The following E2F8 variants were observed in gnomAD, a reference collection of about 807,000 sequenced individuals.
E2F8 encodes the protein E2F transcription factor 8, also known as transcription factor E2F8.
E2F8 carries 35 observed loss-of-function variants against 80.8 expected under a neutral mutation model. That is an observed-to-expected ratio of 0.43 (90% confidence interval 0.33 to 0.57). E2F8 has a LOEUF of 0.57. Ranked by LOEUF, E2F8 falls within the 20% of genes least tolerant of loss-of-function variation. The pLI is 0.04. For missense variants in E2F8, 975 were observed against 1,056.2 expected (o/e 0.92, Z 1.07); for synonymous variants, 386 against 395.0 (o/e 0.98, Z 0.27).
At chr11:19,230,448 C>T (rs542948535) in intron 8 of E2F8, 120 bp from the exon 9 acceptor site, 69 of 1,210,742 alleles carry the variant, frequency 5.7e-5, no homozygotes, top group South Asian at 2.2e-4. Flanking sequence ...AGTTGCATAG[C>T]GATTAAACAA....
In E2F8 at chr11:19,225,412, T is replaced by C; in HGVS notation, c.2230A>G (p.Ile744Val). Residue 744 changes from isoleucine to valine, a missense_variant, in exon 12 of 13, where the codon ATC becomes GTC. Transcript: ENST00000250024. ...VNFTLQHLGL[I>V]SPNVQLSASP... is the part of the protein sequence containing the mutation. The stretch of plus-strand genomic sequence containing the variant: ...GCAGACAACTGCACATTGGGTGAGA[T>C]GAGTCCCAGGTGCTGCAGGGTGAAG... 2 of 1,614,184 alleles carry C rather than the reference T, an allele frequency of 1.2e-6. No individual in the cohort carries two copies. Among genetic ancestry groups the C allele is most frequent in the East Asian group, 2.2e-5 (1 of 44,874 alleles).
upstream of E2F8, chr11:19,240,981 C>G (rs1851646247): frequency 6.6e-6 from 1 of 152,636 alleles, no homozygotes; most frequent in Non-Finnish European, 1.5e-5. Context: ...GGCCCCTCCC[C>G]CAGGCCCTGT....
chr11:19,239,469 C>T (rs1038552883), intron 2 of E2F8, among the ~76,000 whole-genome samples: 1 of 152,014 alleles, frequency 6.6e-6, no homozygotes, highest in African/African-American at 2.4e-5. Context: ...CTTTTTTAAA[C>T]CTATTAGTAG....
intron 8 of E2F8, 144 bp downstream of exon 8, chr11:19,230,487 A>T: frequency 8.3e-7 from 1 of 1,202,460 alleles, no homozygotes; most frequent in Non-Finnish European, 1.2e-6. Context: ...TTTTAAATTT[A>T]TACATTAGTT....
intron 8 of E2F8, 51 bp from the exon 9 acceptor site, chr11:19,230,379 T>G: frequency 6.4e-7 from 1 of 1,559,844 alleles, no homozygotes; most frequent in Non-Finnish European, 8.8e-7. Context: ...AGAACAAATG[T>G]TCACACAGAT....
chr11:19,224,629 G>C lies in E2F8; in HGVS notation c.*29C>G. The C allele has an allele frequency of 6.2e-7, 1 of 1,607,260 alleles. No homozygotes were observed. Among genetic ancestry groups the C allele is most frequent in the Non-Finnish European group, 8.5e-7 (1 of 1,174,978 alleles). The stretch of plus-strand genomic sequence containing the variant: ...ATTTTCTCTATTAAACAACTCTTTA[G>C]AAAATTAAACTAAGCCAACATCTGT... On this transcript the variant is annotated 3_prime_UTR_variant, in exon 13 of 13. Coordinates refer to ENST00000250024, the MANE Select transcript of E2F8 (RefSeq NM_024680.4).
intron 2 of E2F8, 148 bp downstream of exon 2, chr11:19,239,959 G>T (rs1369965991): frequency 2.3e-6 from 1 of 427,520 alleles, no homozygotes; most frequent in South Asian, 8.7e-5. Context: ...GAAACTATAA[G>T]ATAAGGTTCA....
chr11:19,237,089 A>T (rs1851537943), intron 4 of E2F8, among the ~76,000 whole-genome samples: 1 of 152,256 alleles, frequency 6.6e-6, no homozygotes, highest in Non-Finnish European at 1.5e-5. Flanking sequence ...AACTGTAGTC[A>T]GAAGCAACCT....
intron 10 of E2F8, among the ~76,000 whole-genome samples, chr11:19,228,786 G>C (rs1014236438): frequency 6.6e-6 from 1 of 152,182 alleles, no homozygotes; most frequent in African/African-American, 2.4e-5. Context: ...GATACTGTAT[G>C]TAAAAGTGAC....
rs576915724 is a variant in E2F8, at chr11:19,229,538, G to A, written c.1809C>T (p.Gly603=). 1.2e-6 allele frequency: 2 copies of A among 1,614,198 alleles called. No homozygotes were observed. The highest frequency in any genetic ancestry group is 1.3e-5 in the African/African-American group (1 of 75,046). The change falls in exon 10 of 13, where the codon GGC becomes GGT. Residue 603 remains glycine, a synonymous_variant. Transcript: ENST00000250024. The surrounding 1 kb of genome is among the most constrained non-coding windows in gnomAD (Gnocchi z 4.3). ...SRTREPAGER[G]SKRASMLEDS... ...CCTCGAGCATGCTTGCCCTCTTTGA[G>A]CCTCTTTCTCCAGCTGGCTCCCTGG...
intron 2 of E2F8, among the ~76,000 whole-genome samples, chr11:19,238,801 C>T (rs149821985): frequency 4.9e-4 from 74 of 152,220 alleles, no homozygotes; most frequent in African/African-American, 1.6e-3. Flanking sequence ...GAAAATGGGG[C>T]CCAGAGAAGT....
At chr11:19,227,364 C>T (rs923278301) in intron 10 of E2F8, among the ~76,000 whole-genome samples, 1 of 152,146 alleles carries the variant, frequency 6.6e-6, no homozygotes, top group South Asian at 2.1e-4. Context: ...AAGACCTGCG[C>T]TCTATTAGCT....
At position 19,225,468 on chromosome 11, in the gene E2F8, G is replaced by A; in HGVS notation, c.2174C>T (p.Pro725Leu). The A allele has an allele frequency of 6.2e-7, 1 of 1,614,228 alleles. No individual in the cohort carries two copies. Among genetic ancestry groups the A allele is most frequent in the Non-Finnish European group, 8.5e-7 (1 of 1,180,048 alleles). The part of the protein sequence containing the change: ...SPALASSHPV[P>L]IQNPSSAIVN... The stretch of plus-strand genomic sequence containing the variant: ...AATGGCTGAGCTTGGGTTCTGGATG[G>A]GAACAGGGTGGCTTGAAGCGAGAGC... The change falls in exon 12 of 13, where the codon CCC (proline) becomes CTC (leucine). Residue 725 changes from proline (P) to leucine (L), a missense_variant. Transcript: ENST00000250024.
intron 2 of E2F8, among the ~76,000 whole-genome samples, chr11:19,238,410 AT>A (rs1851579191): frequency 6.6e-6 from 1 of 152,246 alleles, no homozygotes; most frequent in African/African-American, 2.4e-5. Flanking sequence ...AGGACTTATA[AT>A]TTTAATTGTA....
chr11:19,230,120 G>T, intron 9 of E2F8, 121 bp downstream of exon 9: 1 of 1,478,594 alleles, frequency 6.8e-7, no homozygotes, highest in Non-Finnish European at 9.2e-7. Context: ...GTGAGTATGA[G>T]ATACAGAAAA....
upstream of E2F8, chr11:19,241,098 GC>G (rs909460687): frequency 2.9e-4 from 44 of 152,312 alleles, no homozygotes; most frequent in Admixed American, 2.9e-3. This position sits in a 1 kb window ranked among gnomAD's most constrained non-coding sequence, Gnocchi z 4.5. Context: ...TTGGCCGACG[GC>G]GCCAGGGGCG....
At chr11:19,241,637 C>G (rs1851671504), upstream of E2F8, 1 of 152,266 alleles carries the variant, frequency 6.6e-6, no homozygotes, top group African/African-American at 2.4e-5. This position sits in a 1 kb window ranked among gnomAD's most constrained non-coding sequence, Gnocchi z 4.5. Flanking sequence ...AACCCGCTCC[C>G]GGCGCGAGCC....
At chr11:19,226,241 G>A (rs1037573174) in intron 10 of E2F8, among the ~76,000 whole-genome samples, 2 of 152,208 alleles carry the variant, frequency 1.3e-5, no homozygotes, top group Non-Finnish European at 2.9e-5. Flanking sequence ...GAATTATGTA[G>A]AACGGTATTT....
At chr11:19,238,632 CTA>C (rs1162351158) in intron 2 of E2F8, among the ~76,000 whole-genome samples, 3 of 152,124 alleles carry the variant, frequency 2.0e-5, no homozygotes, top group African/African-American at 7.2e-5. Flanking sequence ...GCAGTGGGTG[CTA>C]AATAAAATAC....
Sources: gnomAD v4.1 joint callset for allele counts (sites outside exome capture counted in the v4.1 genomes callset) on GRCh38, gnomAD v4.1.1 for gene constraint, Gnocchi (gnomAD v3.1) non-coding constraint, MANE v1.5 for transcripts, NCBI Gene and HGNC (gene_info 2026-07-23, HGNC 2026-07-21) for gene names.